The following ROS1 variants were observed in gnomAD, a reference collection of about 807,000 sequenced individuals.
The protein encoded by ROS1 is proto-oncogene tyrosine-protein kinase ROS.
Under a neutral mutation model 273.5 loss-of-function variants are expected in ROS1, and 263 were observed. That is an observed-to-expected ratio of 0.96 (90% CI 0.87 to 1.06). The LOEUF is 1.06. Ranked by LOEUF, ROS1 falls within the 50% of genes least tolerant of loss-of-function variation. ROS1 has a pLI of 0.00. For missense variants in ROS1, 2,833 were observed against 2,751.1 expected, an observed-to-expected ratio of 1.03 and a Z score of -0.67; for synonymous variants, 1,008 against 954.1, an observed-to-expected ratio of 1.06 and a Z score of -1.04.
intron 43 of ROS1, among the ~76,000 whole-genome samples, chr6:117,300,086 C>CT (rs10700318): frequency 0.063 from 2,016 of 31,764 alleles, 469 homozygotes; most frequent in Middle Eastern, 0.18. Context: ...CCAGGACAGG[C>CT]TTTTTTTTTT....
chr6:117,310,328 A>C, intron 40 of ROS1, 47 bp from the exon 41 acceptor site: 1 of 1,390,890 alleles, frequency 7.2e-7, no homozygotes, highest in South Asian at 1.4e-5. Context: ...ACAACAATAA[A>C]GTTCCAGAAA....
chr6:117,370,082 T>C (rs1432935544), intron 18 of ROS1, among the ~76,000 whole-genome samples: 1 of 152,188 alleles, frequency 6.6e-6, no homozygotes, highest in Non-Finnish European at 1.5e-5. Flanking sequence ...TATCTATAGA[T>C]AGATAAATAT....
chr6:117,379,219 A>G (rs2128685395), intron 17 of ROS1, 60 bp from the exon 18 acceptor site: 2 of 974,998 alleles, frequency 2.1e-6, no homozygotes, highest in Non-Finnish European at 3.3e-6. Context: ...TAACTTTGTG[A>G]ACAGGTCACA....
intron 43 of ROS1, among the ~76,000 whole-genome samples, chr6:117,292,898 G>A (rs1179528822): frequency 2.6e-5 from 4 of 152,118 alleles, no homozygotes; most frequent in African/African-American, 7.2e-5. Flanking sequence ...CATTAATTCA[G>A]CTTTCATTAC....
In ROS1 at chr6:117,365,720, T is replaced by G; in HGVS notation, c.2819A>C (p.Lys940Thr). ...PLPGNFSFTP[K>T]VIPDSVQESS... ...CTCTTGAACAGAATCTGGAATAACC[T>G]TAGGGGTAAAGGAAAAGTTCCCTAC... Residue 940 changes from lysine to threonine, a missense_variant, in exon 20 of 44, where the codon AAG becomes ACG. By Grantham distance (78) the Lys-to-Thr change is moderately conservative. Coordinates refer to ENST00000368507, the MANE Select transcript of ROS1 (RefSeq NM_001378902.1). 6.3e-7 allele frequency: 1 copy of G among 1,584,160 alleles called. No homozygotes were observed. The highest frequency in any genetic ancestry group is 8.5e-7 in the Non-Finnish European group (1 of 1,170,064).
intron 33 of ROS1, among the ~76,000 whole-genome samples, chr6:117,328,050 T>G (rs1776774746): frequency 6.6e-6 from 1 of 152,228 alleles, no homozygotes; most frequent in Non-Finnish European, 1.5e-5. Flanking sequence ...AAATGTCTAC[T>G]GTTTCAAGCC....
Position 117,321,290 on chromosome 6 carries a change from C to T in ROS1, c.5728G>A (p.Val1910Ile), listed in dbSNP as rs201309045. The change falls in exon 36 of 44, where the codon GTA (valine) becomes ATA (isoleucine). Residue 1910 changes from valine to isoleucine, a missense_variant. Val to Ile is a conservative substitution (Grantham distance 29, BLOSUM62 3). Transcript: ENST00000368507. ...LAELRGLAAG[V>I]GLANACYAIH... Reference sequence around the variant, plus strand: ...GCATAGCAGGCATTAGCCAGGCCTACTCCGGCTGCCAGACCTCGCAGCTCA... The same window carrying T: ...GCATAGCAGGCATTAGCCAGGCCTATTCCGGCTGCCAGACCTCGCAGCTCA... 1 of 1,613,856 alleles carries T rather than the reference C, an allele frequency of 6.2e-7. No individual in the cohort carries two copies. Among genetic ancestry groups the T allele is most frequent in the Non-Finnish European group, 8.5e-7 (1 of 1,179,852 alleles).
chr6:117,289,136 C>T (rs537031890), intron 43 of ROS1, among the ~76,000 whole-genome samples: 1 of 152,312 alleles, frequency 6.6e-6, no homozygotes, highest in Non-Finnish European at 1.5e-5. Context: ...CGGAGCAAGT[C>T]GTGGTCTTTG....
In ROS1 at chr6:117,313,133, G is replaced by A. The variant is rs916465721; in HGVS notation, c.6118-2016C>T. ...GAGTGCAAGAACTACATCCTTCACC[G>A]TTGTATAGCAAACACCCAGGAAAAA... On this transcript the variant is annotated intron_variant, in intron 39 of 43. Transcript: ENST00000368507. Among the ~76,000 whole-genome samples, 15 of 152,126 alleles carry A rather than the reference G, an allele frequency of 9.9e-5. No individual in the cohort carries two copies. In the East Asian group the frequency reaches 1.2e-3, roughly 12 times the overall value.
At chr6:117,300,518 T>G (rs1774636102) in intron 43 of ROS1, among the ~76,000 whole-genome samples, 1 of 152,020 alleles carries the variant, frequency 6.6e-6, no homozygotes, top group African/African-American at 2.4e-5. Context: ...AATAGTTGCC[T>G]GACAGGGAGG....
intron 27 of ROS1, among the ~76,000 whole-genome samples, chr6:117,352,435 G>A (rs1778949243): frequency 6.6e-6 from 1 of 151,596 alleles, no homozygotes. Flanking sequence ...TAGGATGAGG[G>A]GCATAACACT....
chr6:117,308,268 C>T (rs895267913), intron 42 of ROS1, among the ~76,000 whole-genome samples: 12 of 152,058 alleles, frequency 7.9e-5, no homozygotes, highest in Non-Finnish European at 1.8e-4. Flanking sequence ...AGTTACAATA[C>T]TTAGTCATTT....
chr6:117,362,321 C>CT (rs71726655), intron 22 of ROS1, among the ~76,000 whole-genome samples: 33,771 of 149,814 alleles, frequency 0.23, 4,300 homozygotes, highest in Admixed American at 0.35. Context: ...TCTGTTTAAA[C>CT]TTTTTTTTTT....
intron 31 of ROS1, among the ~76,000 whole-genome samples, chr6:117,339,781 C>T (rs762350522): frequency 6.6e-6 from 1 of 152,106 alleles, no homozygotes; most frequent in South Asian, 2.1e-4. Context: ...CATGAGAATT[C>T]AACCAGGAGA....
At chr6:117,418,534 C>G in intron 1 of ROS1, 28 bp from the exon 2 acceptor site, 1 of 1,579,828 alleles carries the variant, frequency 6.3e-7, no homozygotes, top group Non-Finnish European at 8.6e-7. Flanking sequence ...GTAGTAAACA[C>G]CAGCCATCAG....
At chr6:117,366,784 G>T (rs1780284475) in intron 18 of ROS1, among the ~76,000 whole-genome samples, 1 of 152,120 alleles carries the variant, frequency 6.6e-6, no homozygotes, top group Non-Finnish European at 1.5e-5. Flanking sequence ...AAAGTGCTGG[G>T]ATCACAGGCA....
At chr6:117,347,112 G>T (rs1778441256) in intron 27 of ROS1, among the ~76,000 whole-genome samples, 1 of 152,068 alleles carries the variant, frequency 6.6e-6, no homozygotes, top group Admixed American at 6.6e-5. Context: ...AACTTTAGCT[G>T]GGATTTTCAT....
rs1776049813 is a variant in ROS1, at chr6:117,318,176, T to G, written c.5987+12A>C. On this transcript the variant is annotated intron_variant, in intron 38 of 43. Coordinates refer to ENST00000368507, the MANE Select transcript of ROS1 (RefSeq NM_001378902.1). ...TCTTACCCATACCAGGAGAAAATTA[T>G]TTCAGAGCTACCTCATCAGATGTGC... 2 of 1,609,424 alleles carry G rather than the reference T, an allele frequency of 1.2e-6. No individual in the cohort carries two copies. Among genetic ancestry groups the G allele is most frequent in the Non-Finnish European group, 1.7e-6 (2 of 1,176,330 alleles).
chr6:117,308,862 G>A lies in ROS1; in HGVS notation c.6483C>T (p.Asn2161=), dbSNP rs374358403. The A allele has an allele frequency of 7.4e-6, 12 of 1,613,156 alleles. No homozygotes were observed. The highest frequency in any genetic ancestry group is 1.1e-5 in the South Asian group (1 of 91,058). Residue 2161 remains asparagine, a synonymous_variant, in exon 42 of 44, where the codon AAC becomes AAT. Transcript: ENST00000368507. The stretch of plus-strand genomic sequence containing the variant: ...TTTGCACATAGTTTAACACATCAAG[G>A]TTGGAATGAGCTGGATAAGGCTGAT... The part of the protein sequence containing the change: ...LGHQPYPAHS[N]LDVLNYVQTG...
Sources: allele counts gnomAD v4.1 joint callset (sites outside exome capture counted in the v4.1 genomes callset), GRCh38; gene constraint gnomAD v4.1.1; transcripts MANE v1.5; gene names NCBI Gene and HGNC (gene_info 2026-07-23, HGNC 2026-07-21).